The following APBA1 variants were observed in gnomAD, a reference collection of about 807,000 sequenced individuals.
APBA1 encodes amyloid beta precursor protein binding family A member 1.
A neutral mutation model predicts 86.6 loss-of-function variants in APBA1; 55 were observed. The ratio of observed to expected loss-of-function variants is 0.64; its 90% CI spans 0.51 to 0.80. The LOEUF is 0.80. Among genes scored for constraint, APBA1 ranks in the 30% least tolerant of loss-of-function variants. APBA1 has a pLI of 0.00. For synonymous variants in APBA1, 511 were observed against 493.9 expected (o/e 1.03, Z -0.46); for missense variants, 1,090 against 1,183.0 (o/e 0.92, Z 1.15).
At chr9:69,505,342 C>A (rs1166900948) in intron 2 of APBA1, among the ~76,000 whole-genome samples, 1 of 152,024 alleles carries the variant, frequency 6.6e-6, no homozygotes, top group African/African-American at 2.4e-5. Flanking sequence ...TCAGGGCTCA[C>A]GTTTCCCTGG....
intron 1 of APBA1, among the ~76,000 whole-genome samples, chr9:69,610,913 T>TA (rs1286967468): frequency 6.6e-6 from 1 of 152,078 alleles, no homozygotes; most frequent in African/African-American, 2.4e-5. Flanking sequence ...AGAACTGAAT[T>TA]AAAAAATGCA....
intron 1 of APBA1, among the ~76,000 whole-genome samples, chr9:69,656,045 A>G (rs1235175891): frequency 3.9e-5 from 6 of 152,332 alleles, no homozygotes; most frequent in African/African-American, 1.4e-4. Flanking sequence ...TTTTAACAAC[A>G]TTAATAAAAA....
intron 1 of APBA1, among the ~76,000 whole-genome samples, chr9:69,600,247 G>A (rs922044394): frequency 6.6e-6 from 1 of 152,286 alleles, no homozygotes; most frequent in African/African-American, 2.4e-5. Context: ...GCTGACTATG[G>A]TGATGGCGAT....
At chr9:69,448,924 C>A (rs1338663460) in intron 10 of APBA1, among the ~76,000 whole-genome samples, 1 of 152,188 alleles carries the variant, frequency 6.6e-6, no homozygotes, top group African/African-American at 2.4e-5. Flanking sequence ...TAAAGAAAAT[C>A]TCATTTCTTC....
chr9:69,489,616 A>G (rs1222939069), intron 2 of APBA1, among the ~76,000 whole-genome samples: 1 of 152,140 alleles, frequency 6.6e-6, no homozygotes, highest in Non-Finnish European at 1.5e-5. Flanking sequence ...ATGAACTCAA[A>G]CAAATTTACA....
chr9:69,665,804 C>T (rs1032591537), intron 1 of APBA1, among the ~76,000 whole-genome samples: 2 of 152,182 alleles, frequency 1.3e-5, no homozygotes, highest in Non-Finnish European at 2.9e-5. Flanking sequence ...GATGTGATCT[C>T]GGCTCACTGC....
intron 2 of APBA1, among the ~76,000 whole-genome samples, chr9:69,502,533 G>A (rs748157335): frequency 4.6e-5 from 7 of 151,782 alleles, no homozygotes; most frequent in Non-Finnish European, 7.4e-5. Flanking sequence ...AATTACTCCG[G>A]TTGCATTAGG....
intron 2 of APBA1, among the ~76,000 whole-genome samples, chr9:69,482,571 C>T (rs1835531817): frequency 6.6e-6 from 1 of 150,580 alleles, no homozygotes; most frequent in Non-Finnish European, 1.5e-5. Flanking sequence ...GTGGCGATTC[C>T]TCAGGGATCT....
chr9:69,567,292 T>C (rs1048285323), intron 1 of APBA1, among the ~76,000 whole-genome samples: 7 of 152,064 alleles, frequency 4.6e-5, no homozygotes, highest in African/African-American at 1.7e-4. Flanking sequence ...ACAAAGGGGA[T>C]GGCCAAGGAT....
intron 1 of APBA1, among the ~76,000 whole-genome samples, chr9:69,662,404 T>G (rs1305563600): frequency 6.6e-6 from 1 of 152,200 alleles, no homozygotes; most frequent in Non-Finnish European, 1.5e-5. Context: ...GGGAATCTGC[T>G]GAGCTTTTAA....
intron 1 of APBA1, among the ~76,000 whole-genome samples, chr9:69,585,345 G>C (rs1821996312): frequency 6.6e-6 from 1 of 152,176 alleles, no homozygotes; most frequent in Non-Finnish European, 1.5e-5. Flanking sequence ...CAAAACCTCT[G>C]CCAGGATCCT....
chr9:69,610,435 G>A (rs1279715427), intron 1 of APBA1, among the ~76,000 whole-genome samples: 1 of 152,132 alleles, frequency 6.6e-6, no homozygotes, highest in African/African-American at 2.4e-5. Context: ...TCTGGTTTGA[G>A]TATTCTAGGT....
chr9:69,428,012 A>C lies in APBA1; in HGVS notation c.*3315T>G, dbSNP rs1834517735. On this transcript the variant is annotated 3_prime_UTR_variant, in exon 13 of 13. Transcript: ENST00000265381. Reference sequence around the variant, plus strand: ...GAAGAAAGATCGAGTTGTGTGCTCAAGTCAACCTAGGCCAGGGAAGGAGAC... The same window carrying C: ...GAAGAAAGATCGAGTTGTGTGCTCACGTCAACCTAGGCCAGGGAAGGAGAC... 3 of 152,226 alleles carry C rather than the reference A, an allele frequency of 2.0e-5. No individual in the cohort carries two copies. In the South Asian group the frequency reaches 6.2e-4, roughly 32 times the overall value. 9.4% of individuals were successfully genotyped at this position (152,226 alleles called of 1,614,324 possible).
intron 2 of APBA1, among the ~76,000 whole-genome samples, chr9:69,489,834 A>G (rs900774782): frequency 1.3e-3 from 195 of 152,180 alleles, no homozygotes; most frequent in African/African-American, 4.4e-3. Context: ...AACAGGTGCT[A>G]GAGAGGATGT....
chr9:69,515,567 T>C (rs1467757384), intron 2 of APBA1, among the ~76,000 whole-genome samples: 1 of 152,070 alleles, frequency 6.6e-6, no homozygotes, highest in East Asian at 1.9e-4. Flanking sequence ...AAACAGTATC[T>C]TTCTCCCCTT....
chr9:69,545,084 T>C (rs930181310), intron 1 of APBA1, among the ~76,000 whole-genome samples: 1 of 152,264 alleles, frequency 6.6e-6, no homozygotes, highest in African/African-American at 2.4e-5. Flanking sequence ...GAATAGGTCA[T>C]AGTTTTCTAC....
intron 10 of APBA1, among the ~76,000 whole-genome samples, chr9:69,444,323 C>G (rs911396888): frequency 6.6e-6 from 1 of 152,222 alleles, no homozygotes. Context: ...GGATCCAGGC[C>G]TTCCATATGC....
intron 3 of APBA1, among the ~76,000 whole-genome samples, chr9:69,472,149 G>C (rs1468424807): frequency 6.6e-6 from 1 of 152,164 alleles, no homozygotes; most frequent in Non-Finnish European, 1.5e-5. Flanking sequence ...AAAAATGTGT[G>C]CTAGAGTTTT....
chr9:69,584,283 T>C (rs1821975385), intron 1 of APBA1, among the ~76,000 whole-genome samples: 1 of 152,218 alleles, frequency 6.6e-6, no homozygotes, highest in Admixed American at 6.5e-5. Flanking sequence ...TGTGAGTTCC[T>C]AGAGGGTGGT....
Sources: allele counts gnomAD v4.1 joint callset (sites outside exome capture counted in the v4.1 genomes callset), GRCh38; gene constraint gnomAD v4.1.1; transcripts MANE v1.5; gene names NCBI Gene and HGNC (gene_info 2026-07-23, HGNC 2026-07-21).